Variants in PRKRA observed in about 807,000 individuals in gnomAD.
PRKRA encodes the protein interferon-inducible double-stranded RNA-dependent protein kinase activator A.
In PRKRA, 22 loss-of-function variants were observed where a neutral mutation model predicts 32.4. The observed-to-expected ratio is 0.68, with a 90% confidence interval of 0.49 to 0.97. PRKRA has a LOEUF of 0.97. Ranked by LOEUF, PRKRA falls within the 50% of genes least tolerant of loss-of-function variation. PRKRA has a pLI of 0.00. For missense variants in PRKRA, 319 were observed against 375.6 expected (o/e 0.85, Z 1.25); for synonymous variants, 139 against 129.8 (o/e 1.07, Z -0.48).
intron 1 of PRKRA, 129 bp downstream of exon 1, chr2:178,450,837 C>T: frequency 1.5e-6 from 2 of 1,374,338 alleles, no homozygotes; most frequent in East Asian, 6.2e-5. Flanking sequence ...GGCCGAGCAC[C>T]CACAGCCGCG....
At chr2:178,432,774 T>TG (rs1474418214) in intron 7 of PRKRA, among the ~76,000 whole-genome samples, 1 of 152,158 alleles carries the variant, frequency 6.6e-6, no homozygotes, top group Non-Finnish European at 1.5e-5. Context: ...TAAAAAAAAA[T>TG]GTTTAATTGA....
At chr2:178,447,654 CAAT>C in intron 2 of PRKRA, 68 bp from the exon 3 acceptor site, 6 of 1,270,582 alleles carry the variant, frequency 4.7e-6, no homozygotes, top group Non-Finnish European at 6.2e-6. Flanking sequence ...AAGATGTTTT[CAAT>C]ACACAAAACA....
Position 178,450,330 on chromosome 2 carries a change from G to A in PRKRA, c.147C>T (p.Ile49=), listed in dbSNP as rs1195607127. The A allele has an allele frequency of 1.2e-6, 2 of 1,614,266 alleles. No individual in the cohort carries two copies. The highest frequency in any genetic ancestry group is 1.7e-6 in the Non-Finnish European group (2 of 1,180,050). ...CAGATCTTTCACATTCATAAACTGG[G>A]ATGTTCTTGGTCTTCATGCCGTATT... is the stretch of plus-strand genomic sequence containing the variant. ...LHEYGMKTKN[I]PVYECERSDV... is the part of the protein sequence containing the mutation. Residue 49 remains isoleucine (I), a synonymous_variant, in exon 2 of 8, where the codon ATC becomes ATT. Transcript: ENST00000325748.
intron 4 of PRKRA, 183 bp from the exon 5 acceptor site, chr2:178,443,567 C>G: frequency 1.9e-6 from 1 of 536,400 alleles, no homozygotes; most frequent in Non-Finnish European, 3.4e-6. Flanking sequence ...TATTTTTATA[C>G]CCCAATACCA....
intron 6 of PRKRA, chr2:178,440,333 T>A (rs977110240): frequency 4.1e-4 from 63 of 152,346 alleles, no homozygotes; most frequent in African/African-American, 1.3e-3. Flanking sequence ...AGTTGTACTT[T>A]TTTATTTCCC....
chr2:178,438,566 A>C (rs1696993655), intron 6 of PRKRA, among the ~76,000 whole-genome samples: 1 of 152,206 alleles, frequency 6.6e-6, no homozygotes. Context: ...CTAGTAAAGC[A>C]GCACACCCTT....
chr2:178,445,249 A>T (rs1455703808), intron 3 of PRKRA, among the ~76,000 whole-genome samples: 1 of 152,224 alleles, frequency 6.6e-6, no homozygotes, highest in African/African-American at 2.4e-5. Context: ...GTTACTTAGC[A>T]GGTCAGTACT....
At chr2:178,434,311 G>A (rs766306996) in intron 7 of PRKRA, among the ~76,000 whole-genome samples, 7 of 151,860 alleles carry the variant, frequency 4.6e-5, no homozygotes, top group East Asian at 1.9e-4. Flanking sequence ...GGGTTTCACC[G>A]TGTTGGTCAG....
At chr2:178,434,054 A>G (rs1696780646) in intron 7 of PRKRA, 1 of 152,038 alleles carries the variant, frequency 6.6e-6, no homozygotes, top group Admixed American at 6.5e-5. Context: ...CTAAACCCTC[A>G]ATGAACTGTA....
intron 6 of PRKRA, chr2:178,439,454 T>C (rs979333026): frequency 1.3e-5 from 2 of 152,246 alleles, no homozygotes; most frequent in African/African-American, 4.8e-5. Context: ...ATTGATTTTG[T>C]ATATTAATTT....
At chr2:178,445,395 A>G (rs1697281182) in intron 3 of PRKRA, 1 of 152,414 alleles carries the variant, frequency 6.6e-6, no homozygotes, top group African/African-American at 2.4e-5. Flanking sequence ...CAAGCTTTAC[A>G]TAGGCTGATG....
In PRKRA at chr2:178,431,660, A is replaced by C. The variant is rs1696655437; in HGVS notation, c.*437T>G. On this transcript the variant is annotated 3_prime_UTR_variant, in exon 8 of 8. Coordinates refer to ENST00000325748, the MANE Select transcript of PRKRA (RefSeq NM_003690.5). ...TCATGTTCCCTGAAATTTAACAATCAATCATACTTAATAAAGGCCTGTTAG... is the reference window on the plus strand; with the variant it reads ...TCATGTTCCCTGAAATTTAACAATCCATCATACTTAATAAAGGCCTGTTAG... The C allele has an allele frequency of 4.9e-6, 1 of 205,048 alleles. No individual in the cohort carries two copies. Among genetic ancestry groups the C allele is most frequent in the Non-Finnish European group, 1.0e-5 (1 of 99,306 alleles). The allele number at this position is 205,048 out of a possible 1,614,324, so 12.7% of individuals were successfully genotyped here.
intron 7 of PRKRA, chr2:178,434,013 A>T (rs1696777965): frequency 6.6e-6 from 1 of 152,128 alleles, no homozygotes; most frequent in African/African-American, 2.4e-5. Context: ...CCATAGTCCT[A>T]TTCATGACAT....
intron 7 of PRKRA, 128 bp from the exon 8 acceptor site, chr2:178,432,382 A>C: frequency 7.9e-7 from 1 of 1,258,982 alleles, no homozygotes; most frequent in Non-Finnish European, 1.1e-6. Context: ...CACCACTCGC[A>C]ATCTTTGTTT....
intron 2 of PRKRA, among the ~76,000 whole-genome samples, chr2:178,447,861 A>C (rs1697381972): frequency 6.6e-6 from 1 of 152,218 alleles, no homozygotes; most frequent in South Asian, 2.1e-4. Context: ...AAAAATCCTT[A>C]TTTCTACATT....
At chr2:178,441,771 T>A (rs1468144555) in intron 5 of PRKRA, 67 bp from the exon 6 acceptor site, 1 of 993,252 alleles carries the variant, frequency 1.0e-6, no homozygotes, top group African/African-American at 1.9e-5. Context: ...TGATCAAACG[T>A]ATGAAGTACT....
chr2:178,450,841 A>C (rs1697583499), intron 1 of PRKRA, 125 bp downstream of exon 1: 1 of 1,371,948 alleles, frequency 7.3e-7, no homozygotes, highest in Admixed American at 3.7e-5. Flanking sequence ...GAGCACCCAC[A>C]GCCGCGGAGG....
chr2:178,451,001 G>C lies in PRKRA; in HGVS notation c.30C>G (p.Ala10=). The change falls in exon 1 of 8, where the codon GCC becomes GCG. Residue 10 remains alanine (A), a synonymous_variant. Transcript: ENST00000325748. ...CACTGTCCTCGCGCTCCAGCGGCGG[G>C]GCCTCGGCGCGGTGCCTGCTCTGGG... MSQSRHRAE[A]PPLEREDSGT... 2 of 1,562,926 alleles carry C rather than the reference G, an allele frequency of 1.3e-6. No homozygotes were observed. Among genetic ancestry groups the C allele is most frequent in the Non-Finnish European group, 1.7e-6 (2 of 1,159,172 alleles).
At chr2:178,447,657 T>C in intron 2 of PRKRA, 71 bp from the exon 3 acceptor site, 2 of 1,551,906 alleles carry the variant, frequency 1.3e-6, no homozygotes, top group Non-Finnish European at 1.8e-6. Flanking sequence ...ATGTTTTCAA[T>C]ACACAAAACA....
Sources: allele counts gnomAD v4.1 joint callset (sites outside exome capture counted in the v4.1 genomes callset), GRCh38; gene constraint gnomAD v4.1.1; transcripts MANE v1.5; gene names NCBI Gene and HGNC (gene_info 2026-07-23, HGNC 2026-07-21).